Variants in KCNIP4 observed in about 807,000 individuals in gnomAD.
KCNIP4 encodes the protein potassium voltage-gated channel interacting protein 4.
Under a neutral mutation model 34.0 loss-of-function variants are expected in KCNIP4, and 12 were observed. The observed-to-expected ratio is 0.35, with a 90% CI of 0.23 to 0.57. The LOEUF (loss-of-function observed/expected upper bound fraction) is 0.57. Among genes scored for constraint, KCNIP4 ranks in the 20% least tolerant of loss-of-function variants. KCNIP4 has a pLI of 0.83. For synonymous variants in KCNIP4, 124 were observed against 102.2 expected (o/e 1.21, Z -1.29); for missense variants, 238 against 311.7 (o/e 0.76, Z 1.78).
chr4:21,835,644 T>C (rs1723274528), intron 1 of KCNIP4, among the ~76,000 whole-genome samples: 1 of 152,136 alleles, frequency 6.6e-6, no homozygotes, highest in African/African-American at 2.4e-5. Flanking sequence ...TGTATATGTT[T>C]CCAACATTTA....
chr4:21,186,780 G>A (rs1160791878), intron 1 of KCNIP4, among the ~76,000 whole-genome samples: 1 of 152,090 alleles, frequency 6.6e-6, no homozygotes, highest in Non-Finnish European at 1.5e-5. Context: ...AAGTAGCTGG[G>A]ACTACAGGCA....
intron 1 of KCNIP4, among the ~76,000 whole-genome samples, chr4:21,653,936 G>A (rs1029064250): frequency 6.6e-6 from 1 of 152,194 alleles, no homozygotes; most frequent in Non-Finnish European, 1.5e-5. Flanking sequence ...TGAATAGGTT[G>A]AAGAAGTCCT....
intron 1 of KCNIP4, among the ~76,000 whole-genome samples, chr4:21,421,903 A>G (rs1208538163): frequency 6.6e-6 from 1 of 152,122 alleles, no homozygotes; most frequent in South Asian, 2.1e-4. Context: ...ACCTACTGAA[A>G]CTGTCATTTC....
At position 21,186,580 on chromosome 4, in the gene KCNIP4, C is replaced by T. The variant is rs16870559; in HGVS notation, c.62-303871G>A. ...AAGAAGGGTTAAGATAAATTCAAAT[C>T]GGCATCACTTATGCATTTAAAGAAC... On this transcript the variant is annotated intron_variant, in intron 1 of 8. Transcript: ENST00000382152. Among the ~76,000 whole-genome samples, 423 of 152,240 alleles carry T rather than the reference C, an allele frequency of 2.8e-3. 1 individual carries two copies. The highest frequency in any genetic ancestry group is 9.7e-3 in the African/African-American group (404 of 41,554).
chr4:21,442,341 G>GA (rs1240029774), intron 1 of KCNIP4, among the ~76,000 whole-genome samples: 3 of 152,168 alleles, frequency 2.0e-5, no homozygotes, highest in Admixed American at 1.3e-4. Context: ...ATCCACTGGG[G>GA]TAATCAAAAT....
intron 1 of KCNIP4, among the ~76,000 whole-genome samples, chr4:21,493,741 G>C (rs1398127250): frequency 1.3e-5 from 2 of 152,140 alleles, no homozygotes; most frequent in Non-Finnish European, 2.9e-5. Context: ...GCAGGAGAAA[G>C]GCCAAGGGTC....
intron 1 of KCNIP4, among the ~76,000 whole-genome samples, chr4:21,442,018 C>T (rs966906234): frequency 5.3e-5 from 8 of 152,140 alleles, no homozygotes; most frequent in Non-Finnish European, 8.8e-5. Flanking sequence ...CTTTCCACTG[C>T]TTAATTATTT....
At chr4:20,983,978 G>A (rs1184703012) in intron 1 of KCNIP4, 12 of 1,528,292 alleles carry the variant, frequency 7.9e-6, no homozygotes, top group Non-Finnish European at 9.6e-6. Context: ...AGTGGAGGGA[G>A]TTAATTACAG....
At chr4:21,678,513 C>T (rs1483271409) in intron 1 of KCNIP4, among the ~76,000 whole-genome samples, 1 of 152,108 alleles carries the variant, frequency 6.6e-6, no homozygotes, top group Non-Finnish European at 1.5e-5. Flanking sequence ...TAGGTCCTCA[C>T]CATGGCCTAA....
At chr4:21,612,737 C>T (rs982440851) in intron 1 of KCNIP4, among the ~76,000 whole-genome samples, 13 of 152,116 alleles carry the variant, frequency 8.5e-5, no homozygotes, top group Admixed American at 6.6e-5. Context: ...GCAAAATCTT[C>T]AATAATACTG....
At chr4:21,855,071 A>T (rs1236301390) in intron 1 of KCNIP4, among the ~76,000 whole-genome samples, 1 of 152,202 alleles carries the variant, frequency 6.6e-6, no homozygotes, top group Non-Finnish European at 1.5e-5. Context: ...AGATACTCCC[A>T]GGATTTTAAA....
intron 1 of KCNIP4, among the ~76,000 whole-genome samples, chr4:21,038,091 C>T (rs545089016): frequency 1.1e-3 from 166 of 152,300 alleles, no homozygotes; most frequent in African/African-American, 3.8e-3. Flanking sequence ...GATTCTCCTG[C>T]CTCAGCCTCC....
chr4:21,692,867 AATTTTGCTAG>A (rs1711825323), intron 1 of KCNIP4, among the ~76,000 whole-genome samples: 1 of 116,218 alleles, frequency 8.6e-6, no homozygotes, highest in African/African-American at 3.9e-5. Flanking sequence ...ATTCAACTTG[AATTTTGCTAG>A]TGTTTATTTA....
At chr4:20,823,639 G>A (rs756897617) in intron 3 of KCNIP4, among the ~76,000 whole-genome samples, 1 of 152,132 alleles carries the variant, frequency 6.6e-6, no homozygotes, top group Non-Finnish European at 1.5e-5. Context: ...CAGGAAGCAG[G>A]TTCTTACCAG....
chr4:20,852,677 A>G (rs1721161330), intron 2 of KCNIP4, among the ~76,000 whole-genome samples: 1 of 152,192 alleles, frequency 6.6e-6, no homozygotes, highest in Non-Finnish European at 1.5e-5. Flanking sequence ...GTAAAGAGGA[A>G]GTCAAACTGT....
chr4:21,356,001 C>T (rs192028064), intron 1 of KCNIP4, among the ~76,000 whole-genome samples: 140 of 152,228 alleles, frequency 9.2e-4, no homozygotes, highest in Non-Finnish European at 1.4e-3. Flanking sequence ...GTTCAACATA[C>T]GCAAATCAAT....
chr4:20,873,095 T>C (rs1168664373), intron 2 of KCNIP4, among the ~76,000 whole-genome samples: 2 of 152,158 alleles, frequency 1.3e-5, no homozygotes, highest in Non-Finnish European at 2.9e-5. Context: ...AATTCCACCA[T>C]GTGTTTCAAA....
intron 1 of KCNIP4, among the ~76,000 whole-genome samples, chr4:21,288,793 C>A (rs2109196006): frequency 6.6e-6 from 1 of 152,248 alleles, no homozygotes; most frequent in African/African-American, 2.4e-5. Flanking sequence ...GCAACTGCAC[C>A]TAATGTTATA....
intron 1 of KCNIP4, among the ~76,000 whole-genome samples, chr4:21,013,808 A>T (rs1385027153): frequency 6.6e-6 from 1 of 152,176 alleles, no homozygotes; most frequent in Non-Finnish European, 1.5e-5. Flanking sequence ...CCAGTACAAG[A>T]TATAAAGAGA....
Sources: gnomAD v4.1 joint callset for allele counts (sites outside exome capture counted in the v4.1 genomes callset) on GRCh38, gnomAD v4.1.1 for gene constraint, MANE v1.5 for transcripts, NCBI Gene and HGNC (gene_info 2026-07-23, HGNC 2026-07-21) for gene names.